HERPUD2: variants seen among roughly 807,000 people sequenced by gnomAD.
HERPUD2 encodes the protein homocysteine-responsive endoplasmic reticulum-resident ubiquitin-like domain member 2 protein.
In HERPUD2, 13 loss-of-function variants were observed where a neutral mutation model predicts 49.9. The ratio of observed to expected loss-of-function variants is 0.26; its 90% CI spans 0.17 to 0.41. HERPUD2 has a LOEUF of 0.41. Among genes scored for constraint, HERPUD2 ranks in the 10% least tolerant of loss-of-function variants. HERPUD2 has a pLI of 1.00. For synonymous variants in HERPUD2, 172 were observed against 171.4 expected (o/e 1.00, Z -0.03); for missense variants, 449 against 492.2 (o/e 0.91, Z 0.83).
In HERPUD2 at chr7:35,677,948, C is replaced by T. The variant is rs551828137; in HGVS notation, c.148-4670G>A. On this transcript the variant is annotated intron_variant, in intron 2 of 8. Coordinates refer to ENST00000311350, the MANE Select transcript of HERPUD2 (RefSeq NM_022373.5). ...AGTTTCCTTATCTGTAAGTTAAGAG[C>T]GATAATAGATTGTATCTCACATGGC... 1.1e-3 allele frequency among the ~76,000 whole-genome samples: 173 copies of T among 152,248 alleles called. 1 individual carries two copies. Among genetic ancestry groups the T allele is most frequent in the African/African-American group, 3.9e-3 (163 of 41,552 alleles).
At chr7:35,682,355 GTGTATATATATATATATATA>G (rs1785929174) in intron 2 of HERPUD2, among the ~76,000 whole-genome samples, 1 of 30,376 alleles carries the variant, frequency 3.3e-5, no homozygotes, top group South Asian at 1.4e-3. Context: ...GTGTGTGTGT[GTGTATATATATATATATATA>G]TATATATATA....
chr7:35,679,620 C>T (rs1339665495), intron 2 of HERPUD2, among the ~76,000 whole-genome samples: 1 of 152,278 alleles, frequency 6.6e-6, no homozygotes, highest in East Asian at 1.9e-4. Flanking sequence ...CTGGTTTTTG[C>T]CCTGCCAGAG....
chr7:35,688,795 A>T (rs748351021), intron 2 of HERPUD2, among the ~76,000 whole-genome samples: 67 of 152,170 alleles, frequency 4.4e-4, no homozygotes, highest in Non-Finnish European at 2.1e-4. Context: ...ATTATACATA[A>T]CCATCACATA....
chr7:35,639,579 GT>G (rs761394719), intron 5 of HERPUD2, among the ~76,000 whole-genome samples: 2 of 152,126 alleles, frequency 1.3e-5, no homozygotes, highest in Non-Finnish European at 2.9e-5. Context: ...AGATAAACAG[GT>G]AAGAAAATGC....
chr7:35,661,768 T>C (rs1785427615), intron 5 of HERPUD2, among the ~76,000 whole-genome samples: 2 of 152,196 alleles, frequency 1.3e-5, no homozygotes, highest in South Asian at 4.1e-4. Flanking sequence ...CTTAAGGAGA[T>C]TTTGGGCTGA....
At chr7:35,673,475 G>GTT (rs1337228009) in intron 2 of HERPUD2, among the ~76,000 whole-genome samples, 197 bp from the exon 3 acceptor site, 3 of 152,060 alleles carry the variant, frequency 2.0e-5, no homozygotes, top group Non-Finnish European at 2.9e-5. Flanking sequence ...AAATGGTAGT[G>GTT]TATCTATTGT....
intron 5 of HERPUD2, among the ~76,000 whole-genome samples, chr7:35,662,297 T>C (rs1195316656): frequency 6.6e-6 from 1 of 152,246 alleles, no homozygotes; most frequent in African/African-American, 2.4e-5. Flanking sequence ...TGAGGATTTT[T>C]ACATCGATGT....
chr7:35,657,448 T>C (rs1382589680), intron 5 of HERPUD2, among the ~76,000 whole-genome samples: 2 of 152,060 alleles, frequency 1.3e-5, no homozygotes, highest in African/African-American at 2.4e-5. Context: ...GAAAACAATA[T>C]GGAGATTTCT....
intron 2 of HERPUD2, among the ~76,000 whole-genome samples, chr7:35,686,581 T>C (rs1452026010): frequency 1.5e-5 from 2 of 132,406 alleles, no homozygotes; most frequent in East Asian, 2.5e-4. Context: ...TAGCCGGGCG[T>C]AGTGGCGGGC....
intron 5 of HERPUD2, among the ~76,000 whole-genome samples, chr7:35,655,722 G>A (rs1785261190): frequency 6.6e-6 from 1 of 152,148 alleles, no homozygotes; most frequent in Non-Finnish European, 1.5e-5. Flanking sequence ...AGAAAAGGCA[G>A]CCAAATTGGA....
At chr7:35,686,360 TA>T (rs2116038449) in intron 2 of HERPUD2, among the ~76,000 whole-genome samples, 2 of 150,158 alleles carry the variant, frequency 1.3e-5, no homozygotes, top group South Asian at 4.3e-4. Context: ...GCTAATTTTT[TA>T]TATTTTTAGT....
At chr7:35,674,833 A>T (rs532377500) in intron 2 of HERPUD2, among the ~76,000 whole-genome samples, 3 of 152,272 alleles carry the variant, frequency 2.0e-5, no homozygotes, top group Admixed American at 6.5e-5. Flanking sequence ...TCAAGAGTGG[A>T]TGGGCCCAGA....
rs1583573933 is a variant in HERPUD2 at position 35,688,565 on chromosome 7, T to C, written c.147+5619A>G. Among the ~76,000 whole-genome samples the C allele has an allele frequency of 3.3e-5, 5 of 152,346 alleles. No individual in the cohort carries two copies. The South Asian group carries it at 1.0e-3, about 32-fold the overall frequency. ...TATGTGCGCTGCAGTCTTAAGATAT[T>C]ATGCATCTAATCTTTCCTATAATTT... On this transcript the variant is annotated intron_variant, in intron 2 of 8. Coordinates refer to ENST00000311350, the MANE Select transcript of HERPUD2 (RefSeq NM_022373.5).
chr7:35,689,104 T>G (rs1209042094), intron 2 of HERPUD2, among the ~76,000 whole-genome samples: 1 of 152,164 alleles, frequency 6.6e-6, no homozygotes, highest in Non-Finnish European at 1.5e-5. Context: ...AAACTTAAGC[T>G]AAAAGTTCTA....
chr7:35,634,651 T>C (rs1784840998), intron 7 of HERPUD2, among the ~76,000 whole-genome samples: 1 of 152,206 alleles, frequency 6.6e-6, no homozygotes, highest in African/African-American at 2.4e-5. Flanking sequence ...CCACTGGCTC[T>C]ATGTTAGTTA....
intron 2 of HERPUD2, among the ~76,000 whole-genome samples, chr7:35,691,555 A>T (rs1786187800): frequency 6.6e-6 from 1 of 152,228 alleles, no homozygotes. Flanking sequence ...CTGTTCCTAC[A>T]AAGCACTGGA....
intron 2 of HERPUD2, among the ~76,000 whole-genome samples, chr7:35,690,093 C>G (rs1339009300): frequency 6.6e-6 from 1 of 152,178 alleles, no homozygotes; most frequent in Non-Finnish European, 1.5e-5. Context: ...AAGTGGTCTT[C>G]TTGCCAAGTA....
intron 2 of HERPUD2, among the ~76,000 whole-genome samples, chr7:35,674,098 A>G (rs937009549): frequency 5.9e-5 from 9 of 152,034 alleles, no homozygotes; most frequent in African/African-American, 1.9e-4. Context: ...AGTCACAACT[A>G]TAACAATTTT....
intron 4 of HERPUD2, among the ~76,000 whole-genome samples, chr7:35,668,799 G>A (rs1369550567): frequency 2.0e-5 from 3 of 151,956 alleles, no homozygotes; most frequent in South Asian, 2.1e-4. Context: ...ATCATAATAC[G>A]GTGTTCATTA....
Sources: allele counts gnomAD v4.1 joint callset (sites outside exome capture counted in the v4.1 genomes callset), GRCh38; gene constraint gnomAD v4.1.1; transcripts MANE v1.5; gene names NCBI Gene and HGNC (gene_info 2026-07-23, HGNC 2026-07-21).